PTPRD: variants seen among roughly 807,000 people sequenced by gnomAD.
The protein encoded by PTPRD is protein tyrosine phosphatase receptor type D.
Under a neutral mutation model 214.5 loss-of-function variants are expected in PTPRD, and 34 were observed. The observed-to-expected ratio is 0.16, with a 90% CI of 0.12 to 0.21. PTPRD has a LOEUF of 0.21. Among genes scored for constraint, PTPRD ranks in the 10% least tolerant of loss-of-function variants. The pLI is 1.00. For synonymous variants in PTPRD, 1,128 were observed against 845.7 expected, an observed-to-expected ratio of 1.33 and a Z score of -5.79; for missense variants, 2,545 against 2,398.7, an observed-to-expected ratio of 1.06 and a Z score of -1.27.
intron 11 of PTPRD, among the ~76,000 whole-genome samples, chr9:8,976,778 G>A (rs752129580): frequency 3.9e-5 from 6 of 152,118 alleles, no homozygotes; most frequent in Non-Finnish European, 7.4e-5. Flanking sequence ...CGTAATTGGA[G>A]AGTATTCCTA....
chr9:9,877,374 G>A (rs7044426), intron 5 of PTPRD, among the ~76,000 whole-genome samples: 2,290 of 152,224 alleles, frequency 0.015, 52 homozygotes, highest in African/African-American at 0.053. Flanking sequence ...TTGAGGCAAA[G>A]ACTTCAAGCC....
intron 12 of PTPRD, among the ~76,000 whole-genome samples, chr9:8,650,367 T>C (rs1257631800): frequency 6.6e-6 from 1 of 151,868 alleles, no homozygotes; most frequent in Non-Finnish European, 1.5e-5. Context: ...CTGTCTCTAC[T>C]AAAAATACAA....
At chr9:9,696,222 T>C (rs112288913) in intron 7 of PTPRD, among the ~76,000 whole-genome samples, 38 of 152,304 alleles carry the variant, frequency 2.5e-4, no homozygotes, top group African/African-American at 8.9e-4. Context: ...GTAGCCTAAC[T>C]ATAGTCTATT....
chr9:8,920,891 A>G (rs1046571649), intron 11 of PTPRD, among the ~76,000 whole-genome samples: 1 of 152,108 alleles, frequency 6.6e-6, no homozygotes, highest in Middle Eastern at 3.4e-3. Flanking sequence ...TCGGCTCACC[A>G]CAACCTCTGC....
intron 39 of PTPRD, among the ~76,000 whole-genome samples, chr9:8,342,781 G>C (rs1190339447): frequency 6.6e-6 from 1 of 152,106 alleles, no homozygotes; most frequent in East Asian, 1.9e-4. Flanking sequence ...AGATGACTTA[G>C]ATGCTATCTC....
intron 2 of PTPRD, among the ~76,000 whole-genome samples, chr9:10,467,820 T>A (rs142727140): frequency 0.019 from 2,858 of 152,198 alleles, 38 homozygotes; most frequent in Non-Finnish European, 0.031. Context: ...CCTAATTTAT[T>A]TTTGTCATCA....
At chr9:8,699,979 T>A (rs555522421) in intron 12 of PTPRD, among the ~76,000 whole-genome samples, 3 of 152,196 alleles carry the variant, frequency 2.0e-5, no homozygotes, top group African/African-American at 4.8e-5. Context: ...GAGAACCCAA[T>A]TCCAACATTT....
At chr9:9,363,531 T>TAGCAATGCTAAAA (rs1402196214) in intron 9 of PTPRD, among the ~76,000 whole-genome samples, 1 of 151,410 alleles carries the variant, frequency 6.6e-6, no homozygotes, top group Admixed American at 6.6e-5. Flanking sequence ...AGAACATTGG[T>TAGCAATGCTAAAA]GTAGTTTCAG....
At chr9:9,493,298 A>C (rs1569568786) in intron 8 of PTPRD, among the ~76,000 whole-genome samples, 1 of 152,108 alleles carries the variant, frequency 6.6e-6, no homozygotes, top group Non-Finnish European at 1.5e-5. Context: ...TTTAAAGCCC[A>C]TTGTGGAGAA....
At chr9:9,250,300 G>A (rs1217801534) in intron 9 of PTPRD, among the ~76,000 whole-genome samples, 1 of 151,986 alleles carries the variant, frequency 6.6e-6, no homozygotes, top group Non-Finnish European at 1.5e-5. Flanking sequence ...TGACCCCAGG[G>A]CAAAAACATC....
intron 11 of PTPRD, among the ~76,000 whole-genome samples, chr9:8,885,742 C>T (rs1026734595): frequency 4.6e-5 from 7 of 152,016 alleles, no homozygotes; most frequent in Non-Finnish European, 8.8e-5. Flanking sequence ...GGCGAACCAC[C>T]CACCTTGGTC....
At chr9:9,219,996 T>C (rs968078546) in intron 9 of PTPRD, among the ~76,000 whole-genome samples, 2 of 152,172 alleles carry the variant, frequency 1.3e-5, no homozygotes, top group Non-Finnish European at 2.9e-5. Flanking sequence ...AAACTCATAT[T>C]GAAATAAACG....
At chr9:8,614,534 G>T (rs2095549095) in intron 14 of PTPRD, among the ~76,000 whole-genome samples, 1 of 152,172 alleles carries the variant, frequency 6.6e-6, no homozygotes, top group African/African-American at 2.4e-5. Flanking sequence ...AATCACTTAA[G>T]TACTCTTTAG....
intron 31 of PTPRD, among the ~76,000 whole-genome samples, chr9:8,468,796 T>C (rs562120731): frequency 1.9e-5 from 1 of 52,316 alleles, no homozygotes; most frequent in East Asian, 4.7e-4. Context: ...TTATCCATGG[T>C]AGAAAAAAAA....
At chr9:8,357,847 T>C (rs1446746766) in intron 39 of PTPRD, among the ~76,000 whole-genome samples, 2 of 152,136 alleles carry the variant, frequency 1.3e-5, no homozygotes, top group Non-Finnish European at 2.9e-5. Flanking sequence ...ACACTCAACA[T>C]TTACAAACCC....
At chr9:8,468,817 AC>A (rs975473641) in intron 31 of PTPRD, among the ~76,000 whole-genome samples, 2 of 148,880 alleles carry the variant, frequency 1.3e-5, no homozygotes, top group African/African-American at 5.0e-5. Context: ...AAAAAAAAAA[AC>A]TCTCTGTAGG....
At chr9:10,261,096 T>TAG (rs200103560) in intron 3 of PTPRD, among the ~76,000 whole-genome samples, 21 of 146,172 alleles carry the variant, frequency 1.4e-4, no homozygotes, top group Non-Finnish European at 1.9e-4. Flanking sequence ...TATATATATA[T>TAG]AGAGAGAGAG....
intron 2 of PTPRD, among the ~76,000 whole-genome samples, chr9:10,489,411 A>C (rs553658042): frequency 6.6e-6 from 1 of 152,274 alleles, no homozygotes; most frequent in South Asian, 2.1e-4. Flanking sequence ...GCCACAAGCC[A>C]TGCAGCCTGG....
chr9:8,876,132 A>G (rs928026492), intron 11 of PTPRD, among the ~76,000 whole-genome samples: 1 of 152,178 alleles, frequency 6.6e-6, no homozygotes, highest in African/African-American at 2.4e-5. Flanking sequence ...AGAGCATAGA[A>G]TTGGCCTGAT....
Sources: gnomAD v4.1 joint callset for allele counts (sites outside exome capture counted in the v4.1 genomes callset) on GRCh38, gnomAD v4.1.1 for gene constraint, MANE v1.5 for transcripts, NCBI Gene and HGNC (gene_info 2026-07-23, HGNC 2026-07-21) for gene names.